TMEM131: variants seen among roughly 807,000 people sequenced by gnomAD.
The protein encoded by TMEM131 is 2610524E03Rik.
In TMEM131, 66 loss-of-function variants were observed where a neutral mutation model predicts 211.6. The observed-to-expected ratio is 0.31, with a 90% confidence interval of 0.26 to 0.38. The LOEUF is 0.38. TMEM131 is among the 10% of genes least tolerant of loss of function. The probability of loss-of-function intolerance (pLI) is 1.00; values close to 1 mark genes in which losing one functional copy is unlikely to be tolerated. For synonymous variants in TMEM131, 844 were observed against 841.3 expected (o/e 1.00, Z -0.06); for missense variants, 2,036 against 2,299.3 (o/e 0.89, Z 2.34).
Position 97,792,879 on chromosome 2 carries a change from C to T in TMEM131, c.3651G>A (p.Ser1217=), listed in dbSNP as rs775148824. 13 of 1,613,290 alleles carry T rather than the reference C, an allele frequency of 8.1e-6. No homozygotes were observed. The highest frequency in any genetic ancestry group is 5.3e-5 in the African/African-American group (4 of 74,852). The change falls in exon 31 of 41, where the codon TCG becomes TCA. Residue 1217 remains serine, a synonymous_variant. Coordinates refer to ENST00000186436, the MANE Select transcript of TMEM131 (RefSeq NM_015348.2). ...TGCTGTGACTGCTGTGTGGGTGGAC[C>T]GATGGGCCACACTGCTTATGACTCC... ...SAGSHKQCGP[S]VHPHSSHSNR... is the part of the protein sequence containing the mutation.
At chr2:97,884,372 T>C (rs1302816585) in intron 4 of TMEM131, among the ~76,000 whole-genome samples, 2 of 152,186 alleles carry the variant, frequency 1.3e-5, no homozygotes, top group Non-Finnish European at 2.9e-5. Context: ...GCTTCATGTG[T>C]TGACGAAAGA....
chr2:97,777,564 C>G (rs1297823337), intron 31 of TMEM131, among the ~76,000 whole-genome samples: 1 of 152,174 alleles, frequency 6.6e-6, no homozygotes, highest in East Asian at 1.9e-4. Context: ...ACTACCTGGC[C>G]CTTTACAGAA....
At chr2:97,790,125 G>C (rs1680431507) in intron 31 of TMEM131, among the ~76,000 whole-genome samples, 1 of 152,166 alleles carries the variant, frequency 6.6e-6, no homozygotes, top group South Asian at 2.1e-4. Context: ...ACTATTTAAT[G>C]TAAATCTGCT....
At chr2:97,759,547 TC>T in intron 39 of TMEM131, 104 bp downstream of exon 39, 1 of 994,766 alleles carries the variant, frequency 1.0e-6, no homozygotes, top group Non-Finnish European at 1.5e-6. Flanking sequence ...CGGGGCCTCT[TC>T]CACAGTGCTG....
At chr2:97,804,292 T>C (rs183602081) in intron 22 of TMEM131, among the ~76,000 whole-genome samples, 41 of 152,258 alleles carry the variant, frequency 2.7e-4, no homozygotes, top group African/African-American at 9.4e-4. Context: ...TAGATGCACA[T>C]TTCCTACCTG....
intron 1 of TMEM131, among the ~76,000 whole-genome samples, chr2:97,930,838 T>C (rs1413633634): frequency 6.6e-6 from 1 of 151,864 alleles, no homozygotes; most frequent in African/African-American, 2.4e-5. Context: ...CAAACTTTCC[T>C]GATGTTCCCT....
intron 22 of TMEM131, among the ~76,000 whole-genome samples, chr2:97,803,824 T>C (rs567117767): frequency 1.1e-4 from 17 of 152,322 alleles, no homozygotes; most frequent in African/African-American, 4.1e-4. Flanking sequence ...GACAACACTG[T>C]AAGTTATTTG....
intron 12 of TMEM131, 132 bp downstream of exon 12, chr2:97,818,481 G>GGGGGAA (rs796772650): frequency 8.5e-5 from 25 of 293,216 alleles, no homozygotes; most frequent in Middle Eastern, 1.3e-3. Context: ...GGCGGGGGGG[G>GGGGGAA]ATCAACCTAA....
intron 2 of TMEM131, among the ~76,000 whole-genome samples, chr2:97,919,663 C>T (rs569189689): frequency 3.9e-5 from 6 of 152,218 alleles, no homozygotes; most frequent in Admixed American, 2.6e-4. Flanking sequence ...CTCCGTCTCC[C>T]GGGTTCAAGC....
intron 7 of TMEM131, among the ~76,000 whole-genome samples, chr2:97,839,893 G>GGGAAGTA (rs1439704059): frequency 2.0e-5 from 3 of 152,200 alleles, no homozygotes; most frequent in African/African-American, 7.2e-5. Context: ...CAGCTGGACT[G>GGGAAGTA]GGAAGTAGGA....
chr2:97,802,552 T>G lies in TMEM131; in HGVS notation c.2542-15A>C. 1 of 1,603,568 alleles carries G rather than the reference T, an allele frequency of 6.2e-7. No individual in the cohort carries two copies. The highest frequency in any genetic ancestry group is 1.1e-5 in the South Asian group (1 of 88,978). On this transcript the variant is annotated splice_polypyrimidine_tract_variant and intron_variant, in intron 23 of 40. Transcript: ENST00000186436. Reference sequence around the variant, plus strand: ...ATCTCTTCTTCCTTAAACAAAATAATGAAACATTAAATGAAAGATTTCTAT... The same window carrying G: ...ATCTCTTCTTCCTTAAACAAAATAAGGAAACATTAAATGAAAGATTTCTAT...
rs1429496667 is a variant in TMEM131, at chr2:97,834,757, C to T, written c.955+18G>A. 3 of 1,609,884 alleles carry T rather than the reference C, an allele frequency of 1.9e-6. No homozygotes were observed. Among genetic ancestry groups the T allele is most frequent in the Non-Finnish European group, 2.5e-6 (3 of 1,178,642 alleles). ...CTGAAAACAAAACAACTTTCGATTT[C>T]ATCAGTTTTCCACTAACCTGTTGTA... On this transcript the variant is annotated intron_variant, in intron 9 of 40. Coordinates refer to ENST00000186436, the MANE Select transcript of TMEM131 (RefSeq NM_015348.2).
intron 3 of TMEM131, among the ~76,000 whole-genome samples, chr2:97,895,252 G>A (rs1675557585): frequency 6.6e-6 from 1 of 152,190 alleles, no homozygotes; most frequent in Admixed American, 6.5e-5. Context: ...GCCTTTTGGT[G>A]TGGTGCTGGA....
At chr2:97,767,907 A>T (rs2104786866) in intron 33 of TMEM131, among the ~76,000 whole-genome samples, 1 of 152,276 alleles carries the variant, frequency 6.6e-6, no homozygotes, top group African/African-American at 2.4e-5. Flanking sequence ...TTCACAGGAG[A>T]TTTCAAAGGT....
At chr2:97,797,339 AC>A in intron 26 of TMEM131, 25 bp downstream of exon 26, 1 of 1,552,258 alleles carries the variant, frequency 6.4e-7, no homozygotes. Context: ...GTAAAAATGA[AC>A]CCACACCTAT....
At chr2:97,884,603 G>A (rs902834564) in intron 4 of TMEM131, among the ~76,000 whole-genome samples, 1 of 152,116 alleles carries the variant, frequency 6.6e-6, no homozygotes, top group Non-Finnish European at 1.5e-5. Flanking sequence ...GGGTGCTCTA[G>A]TGCTAGGTGC....
At chr2:97,901,700 G>A (rs1364771276) in intron 3 of TMEM131, among the ~76,000 whole-genome samples, 6 of 152,170 alleles carry the variant, frequency 3.9e-5, no homozygotes, top group Admixed American at 1.3e-4. Context: ...AATATTGCAT[G>A]TTCTGACTTA....
chr2:97,770,533 T>C (rs1679419231), intron 33 of TMEM131, among the ~76,000 whole-genome samples: 1 of 152,244 alleles, frequency 6.6e-6, no homozygotes, highest in African/African-American at 2.4e-5. Context: ...CTAAGCTTTT[T>C]GGTTTACAAG....
intron 1 of TMEM131, among the ~76,000 whole-genome samples, chr2:97,966,227 CA>C (rs2104584663): frequency 6.6e-6 from 1 of 151,898 alleles, no homozygotes; most frequent in East Asian, 1.9e-4. Context: ...CTCACTGCAA[CA>C]TAACTTAGCA....
Sources: allele counts gnomAD v4.1 joint callset (sites outside exome capture counted in the v4.1 genomes callset), GRCh38; gene constraint gnomAD v4.1.1; transcripts MANE v1.5; gene names NCBI Gene and HGNC (gene_info 2026-07-23, HGNC 2026-07-21).